The following DOP1B variants were observed in gnomAD, a reference collection of about 807,000 sequenced individuals.
DOP1B encodes the protein protein DOP1B.
Under a neutral mutation model 233.5 loss-of-function variants are expected in DOP1B, and 174 were observed. The observed-to-expected ratio is 0.75, with a 90% CI of 0.66 to 0.85. The LOEUF (loss-of-function observed/expected upper bound fraction) is 0.85, where lower values mean the gene tolerates loss of function less well. Among genes scored for constraint, DOP1B ranks in the 40% least tolerant of loss-of-function variants. The pLI is 0.00. For synonymous variants in DOP1B, 1,190 were observed against 1,185.6 expected (o/e 1.00, Z -0.08); for missense variants, 2,652 against 2,846.6 (o/e 0.93, Z 1.56).
chr21:36,223,195 T>A (rs539742056), intron 10 of DOP1B, 36 bp from the exon 11 acceptor site: 6 of 1,533,866 alleles, frequency 3.9e-6, no homozygotes, highest in East Asian at 4.9e-5. Context: ...AGGATTTTTT[T>A]ATAGACATAT....
At position 36,279,026 on chromosome 21, in the gene DOP1B, A is replaced by G. The variant is rs532706888; in HGVS notation, c.5969+671A>G. On this transcript the variant is annotated intron_variant, in intron 30 of 36. Transcript: ENST00000691173. ...TACCCCACTTCTCGGCTGATACTCC[A>G]CAAGTTCTTACTGAGATCTTGCAGC... Among the ~76,000 whole-genome samples, 272 of 152,146 alleles carry G rather than the reference A, an allele frequency of 1.8e-3. 1 individual carries two copies. The highest frequency in any genetic ancestry group is 6.2e-3 in the African/African-American group (257 of 41,512).
chr21:36,248,520 C>G lies in DOP1B; in HGVS notation c.4950C>G (p.Leu1650=), dbSNP rs1355737169. The change falls in exon 21 of 37, where the codon CTC becomes CTG. Residue 1650 remains leucine, a synonymous_variant. Transcript: ENST00000691173. ...AGACTCAAAAGAGACCTGTCGATCT[C>G]CTAGGGGCCACGAAGGGATCCTCTT... The part of the protein sequence containing the change: ...KEETQKRPVD[L]LGATKGSSSV... 2 of 1,613,736 alleles carry G rather than the reference C, an allele frequency of 1.2e-6. No homozygotes were observed. The highest frequency in any genetic ancestry group is 1.7e-6 in the Non-Finnish European group (2 of 1,179,880).
chr21:36,259,264 C>CTT (rs11411588), intron 23 of DOP1B, among the ~76,000 whole-genome samples: 254 of 136,526 alleles, frequency 1.9e-3, no homozygotes, highest in Middle Eastern at 3.8e-3. Flanking sequence ...TGCGCCCGGG[C>CTT]TTTTTTTTTT....
At chr21:36,171,151 C>T (rs1184852497) in intron 2 of DOP1B, among the ~76,000 whole-genome samples, 1 of 152,226 alleles carries the variant, frequency 6.6e-6, no homozygotes, top group South Asian at 2.1e-4. Flanking sequence ...CAGACCCCGA[C>T]CAGCCTGGTT....
At chr21:36,282,290 C>T (rs972096028) in intron 32 of DOP1B, among the ~76,000 whole-genome samples, 8 of 151,920 alleles carry the variant, frequency 5.3e-5, no homozygotes, top group African/African-American at 9.7e-5. Context: ...CGTGATGGTG[C>T]GCACCTGTAA....
chr21:36,292,583 T>G (rs13047991), intron 36 of DOP1B, among the ~76,000 whole-genome samples: 4,829 of 150,556 alleles, frequency 0.032, 106 homozygotes, highest in Non-Finnish European at 0.046. Flanking sequence ...CCACCATGCC[T>G]GGCTAATTTT....
chr21:36,252,912 T>A (rs1449672403), intron 22 of DOP1B, among the ~76,000 whole-genome samples: 1 of 152,152 alleles, frequency 6.6e-6, no homozygotes, highest in Non-Finnish European at 1.5e-5. Flanking sequence ...CTTTGTTCCC[T>A]CCCACCCCTG....
intron 2 of DOP1B, among the ~76,000 whole-genome samples, chr21:36,176,982 C>G (rs1287836113): frequency 1.3e-5 from 2 of 152,138 alleles, no homozygotes; most frequent in Middle Eastern, 3.2e-3. Context: ...CCACACCTGG[C>G]TAATTTTTTT....
chr21:36,246,122 G>A lies in DOP1B; in HGVS notation c.4142G>A (p.Cys1381Tyr). ...VEFIHSLLQR[C>Y]KVQEFVLLSL... ...TTCATCCACAGCTTGCTGCAGAGGTGCAAAGTTCAGGAGTTTGTCCTGCTC... is the reference window on the plus strand; with the variant it reads ...TTCATCCACAGCTTGCTGCAGAGGTACAAAGTTCAGGAGTTTGTCCTGCTC... The change falls in exon 19 of 37, where the codon TGC (cysteine) becomes TAC (tyrosine). Residue 1381 changes from cysteine (C) to tyrosine (Y), a missense_variant. This residue lies in a region of DOP1B where 2,617 missense variants were observed against 2,794.3 expected (regional missense o/e 0.94). Coordinates refer to ENST00000691173, the MANE Select transcript of DOP1B (RefSeq NM_001320714.2). This position sits in a 1 kb window ranked among gnomAD's most constrained non-coding sequence, Gnocchi z 5.1. The A allele has an allele frequency of 6.2e-7, 1 of 1,614,094 alleles. No homozygotes were observed. The highest frequency in any genetic ancestry group is 8.5e-7 in the Non-Finnish European group (1 of 1,180,040).
chr21:36,161,056 A>T (rs998709184), intron 1 of DOP1B, among the ~76,000 whole-genome samples: 3 of 152,172 alleles, frequency 2.0e-5, no homozygotes, highest in African/African-American at 7.2e-5. Flanking sequence ...CCAACAGGTA[A>T]AGGGGCTACT....
At chr21:36,233,349 A>C (rs548694123) in intron 15 of DOP1B, among the ~76,000 whole-genome samples, 90 of 152,326 alleles carry the variant, frequency 5.9e-4, no homozygotes, top group African/African-American at 2.1e-3. Flanking sequence ...GGGTGGAGGC[A>C]GGGAGCCCAT....
intron 2 of DOP1B, among the ~76,000 whole-genome samples, chr21:36,185,449 A>G (rs1299143585): frequency 6.6e-6 from 1 of 152,096 alleles, no homozygotes; most frequent in South Asian, 2.1e-4. Flanking sequence ...GTGAGCCCCT[A>G]TTATATGCTT....
intron 22 of DOP1B, among the ~76,000 whole-genome samples, chr21:36,251,806 C>T (rs898236929): frequency 6.6e-6 from 1 of 152,068 alleles, no homozygotes; most frequent in African/African-American, 2.4e-5. Flanking sequence ...GAAGAGCGCA[C>T]CTGACTTCTG....
chr21:36,280,378 A>C (rs879166444), intron 31 of DOP1B, 32 bp downstream of exon 31: 1 of 1,486,374 alleles, frequency 6.7e-7, no homozygotes, highest in South Asian at 1.2e-5. Flanking sequence ...CATAACTCAC[A>C]CTTGATAGGA....
chr21:36,289,634 C>T (rs1357221879), intron 35 of DOP1B, among the ~76,000 whole-genome samples: 1 of 152,108 alleles, frequency 6.6e-6, no homozygotes, highest in Non-Finnish European at 1.5e-5. Context: ...TGTTTCCTGC[C>T]GGCTTAGCAC....
intron 27 of DOP1B, among the ~76,000 whole-genome samples, chr21:36,275,464 T>A (rs780582280): frequency 6.6e-6 from 1 of 151,860 alleles, no homozygotes; most frequent in South Asian, 2.1e-4. Context: ...TCCCCATCTC[T>A]ACAAAAATTA....
At chr21:36,293,140 A>T (rs2146263666) in intron 36 of DOP1B, among the ~76,000 whole-genome samples, 180 bp from the exon 37 acceptor site, 1 of 150,768 alleles carries the variant, frequency 6.6e-6, no homozygotes, top group Non-Finnish European at 1.5e-5. Context: ...CGGGAGACAG[A>T]GGTTGCAGTG....
intron 23 of DOP1B, among the ~76,000 whole-genome samples, chr21:36,257,843 A>T (rs986469775): frequency 9.8e-5 from 14 of 142,610 alleles, no homozygotes; most frequent in Non-Finnish European, 2.1e-4. Context: ...GTAGATGTAG[A>T]TAGGTAGGTA....
intron 2 of DOP1B, among the ~76,000 whole-genome samples, chr21:36,174,747 G>A (rs879821648): frequency 9.9e-5 from 15 of 152,160 alleles, no homozygotes; most frequent in Non-Finnish European, 1.9e-4. Context: ...TCCTGAGCTC[G>A]AGTGATCCTC....
Sources: gnomAD v4.1 joint callset for allele counts (sites outside exome capture counted in the v4.1 genomes callset) on GRCh38, gnomAD v4.1.1 for gene constraint, gnomAD v4.1.1 regional missense constraint, Gnocchi (gnomAD v3.1) non-coding constraint, MANE v1.5 for transcripts, NCBI Gene and HGNC (gene_info 2026-07-23, HGNC 2026-07-21) for gene names.